CHSY3: variants seen among roughly 807,000 people sequenced by gnomAD.
The protein encoded by CHSY3 is N-acetylgalactosaminyl-proteoglycan 3-beta-glucuronosyltransferase 3.
Under a neutral mutation model 67.2 loss-of-function variants are expected in CHSY3, and 35 were observed. That is an observed-to-expected ratio of 0.52 (90% CI 0.40 to 0.69). The LOEUF (loss-of-function observed/expected upper bound fraction) is 0.69, where lower values mean the gene tolerates loss of function less well. Among genes scored for constraint, CHSY3 ranks in the 30% least tolerant of loss-of-function variants. CHSY3 has a pLI of 0.00. For synonymous variants in CHSY3, 474 were observed against 434.7 expected (o/e 1.09, Z -1.12); for missense variants, 1,069 against 1,138.5 (o/e 0.94, Z 0.88).
chr5:130,002,572 C>T (rs908098322), intron 2 of CHSY3, among the ~76,000 whole-genome samples: 4 of 152,030 alleles, frequency 2.6e-5, no homozygotes, highest in African/African-American at 9.7e-5. Flanking sequence ...AGTCATTTTT[C>T]AGGCAGTCCT....
chr5:129,967,088 G>A (rs1194594407), intron 2 of CHSY3, among the ~76,000 whole-genome samples: 1 of 151,742 alleles, frequency 6.6e-6, no homozygotes, highest in East Asian at 1.9e-4. Flanking sequence ...CAAAGCCCTT[G>A]TTTAACATCA....
chr5:130,146,828 T>C (rs1769089012), intron 2 of CHSY3, among the ~76,000 whole-genome samples: 1 of 152,106 alleles, frequency 6.6e-6, no homozygotes, highest in Admixed American at 6.6e-5. Context: ...AGTTTCATTC[T>C]TTTTGCCCAG....
At chr5:130,013,123 C>T (rs935790624) in intron 2 of CHSY3, among the ~76,000 whole-genome samples, 2 of 152,128 alleles carry the variant, frequency 1.3e-5, no homozygotes, top group African/African-American at 4.8e-5. Context: ...AAATGATTTC[C>T]TTTAACTCCA....
At chr5:130,055,295 A>AG (rs5871378) in intron 2 of CHSY3, among the ~76,000 whole-genome samples, 1 of 150,620 alleles carries the variant, frequency 6.6e-6, no homozygotes, top group African/African-American at 2.5e-5. Context: ...AAAAAAAAAA[A>AG]GTCGTTTTGA....
chr5:130,099,067 A>G (rs2149697321), intron 2 of CHSY3, among the ~76,000 whole-genome samples: 1 of 152,316 alleles, frequency 6.6e-6, no homozygotes, highest in Non-Finnish European at 1.5e-5. Context: ...AATGTCTGTA[A>G]TTGATATAAC....
intron 2 of CHSY3, among the ~76,000 whole-genome samples, chr5:130,163,927 G>A (rs879294954): frequency 2.0e-5 from 3 of 152,146 alleles, no homozygotes; most frequent in Non-Finnish European, 4.4e-5. Flanking sequence ...CAAGATTTAA[G>A]GAATGAGTAG....
intron 2 of CHSY3, among the ~76,000 whole-genome samples, chr5:130,027,121 A>G (rs372474808): frequency 3.9e-5 from 6 of 152,208 alleles, no homozygotes; most frequent in African/African-American, 1.4e-4. Context: ...CTCTAACACT[A>G]TGGTACTTCC....
chr5:129,908,031 A>G (rs1166345195), intron 1 of CHSY3, 46 bp from the exon 2 acceptor site: 4 of 1,583,176 alleles, frequency 2.5e-6, no homozygotes, highest in South Asian at 2.3e-5. Flanking sequence ...ATGATAAGTG[A>G]TTATGAAATA....
chr5:129,936,052 T>A (rs976991523), intron 2 of CHSY3, among the ~76,000 whole-genome samples: 2 of 152,188 alleles, frequency 1.3e-5, no homozygotes, highest in Admixed American at 1.3e-4. Context: ...TAATCTATAT[T>A]TATAGTGTTT....
intron 2 of CHSY3, among the ~76,000 whole-genome samples, chr5:129,940,470 A>T (rs959162548): frequency 6.6e-6 from 1 of 152,150 alleles, no homozygotes; most frequent in Middle Eastern, 3.2e-3. Context: ...TAACCTGTAG[A>T]TGCTATGTTA....
intron 2 of CHSY3, among the ~76,000 whole-genome samples, chr5:130,010,070 C>A (rs1375358062): frequency 1.3e-5 from 2 of 152,124 alleles, no homozygotes; most frequent in East Asian, 3.9e-4. Flanking sequence ...CAGTATTAGA[C>A]AGAATATCAA....
At chr5:130,084,917 G>A (rs149437523) in intron 2 of CHSY3, among the ~76,000 whole-genome samples, 1,551 of 152,088 alleles carry the variant, frequency 0.01, 18 homozygotes, top group African/African-American at 0.034. Flanking sequence ...CCTCCAGGTA[G>A]CAGGCTTCAG....
chr5:130,049,996 T>C (rs1765284869), intron 2 of CHSY3, among the ~76,000 whole-genome samples: 1 of 152,024 alleles, frequency 6.6e-6, no homozygotes, highest in Admixed American at 6.6e-5. Context: ...TTAAGACTGT[T>C]TTTTCAACAC....
rs1382046491 is a variant in CHSY3, at chr5:129,970,304, A to G, written c.1086+61944A>G. 3.9e-5 allele frequency among the ~76,000 whole-genome samples: 6 copies of G among 151,972 alleles called. No homozygotes were observed. In the East Asian group the frequency reaches 9.7e-4, roughly 25 times the overall value. ...CAGAGCCTAGCAGAATGCCTGGCAC[A>G]TAGTAGGTACTCAACATCTTTATTT... On this transcript the variant is annotated intron_variant, in intron 2 of 2. Transcript: ENST00000305031.
intron 2 of CHSY3, among the ~76,000 whole-genome samples, chr5:130,054,935 C>T (rs1765481216): frequency 6.6e-6 from 1 of 152,076 alleles, no homozygotes. Flanking sequence ...TTTACTACTC[C>T]AGCAGGGCTA....
chr5:130,081,129 G>T lies in CHSY3; in HGVS notation c.1087-103100G>T, dbSNP rs572364822. 1.3e-4 allele frequency among the ~76,000 whole-genome samples: 20 copies of T among 152,266 alleles called. No homozygotes were observed. In the South Asian group the frequency reaches 4.1e-3, roughly 32 times the overall value. ...GTTTGTGACAAAAATCTATTCAGAT[G>T]TGTTGACAGATTTCGGTCTTTCTTC... On this transcript the variant is annotated intron_variant, in intron 2 of 2. Transcript: ENST00000305031.
At chr5:130,054,344 C>A (rs1218876491) in intron 2 of CHSY3, among the ~76,000 whole-genome samples, 2 of 152,098 alleles carry the variant, frequency 1.3e-5, no homozygotes, top group African/African-American at 4.8e-5. Flanking sequence ...TGAGAAATTT[C>A]TTCTAACCTT....
intron 2 of CHSY3, among the ~76,000 whole-genome samples, chr5:130,169,919 T>C (rs921949527): frequency 1.3e-5 from 2 of 152,098 alleles, no homozygotes; most frequent in African/African-American, 4.8e-5. Context: ...CATTCATGAA[T>C]TGGGTTAATG....
chr5:129,966,875 T>A (rs1423312841), intron 2 of CHSY3, among the ~76,000 whole-genome samples: 2 of 151,844 alleles, frequency 1.3e-5, no homozygotes, highest in Non-Finnish European at 2.9e-5. Context: ...TTCTTGATGA[T>A]CAAGTTGTCC....
Sources: allele counts gnomAD v4.1 joint callset (sites outside exome capture counted in the v4.1 genomes callset), GRCh38; gene constraint gnomAD v4.1.1; transcripts MANE v1.5; gene names NCBI Gene and HGNC (gene_info 2026-07-23, HGNC 2026-07-21).